Variants in ARAP2 observed in about 807,000 individuals in gnomAD.
ARAP2 encodes arf-GAP with Rho-GAP domain, ANK repeat and PH domain-containing protein 2.
In ARAP2, 148 loss-of-function variants were observed where a neutral mutation model predicts 194.5. The observed-to-expected ratio is 0.76, with a 90% CI of 0.67 to 0.87. The LOEUF (loss-of-function observed/expected upper bound fraction) is 0.87, where lower values mean the gene tolerates loss of function less well. ARAP2 is among the 40% of genes least tolerant of loss of function. The pLI is 0.00. For missense variants in ARAP2, 2,128 were observed against 1,989.7 expected (o/e 1.07, Z -1.32); for synonymous variants, 695 against 683.5 (o/e 1.02, Z -0.26).
chr4:36,155,920 T>C (rs1732177065), intron 15 of ARAP2, among the ~76,000 whole-genome samples: 3 of 152,150 alleles, frequency 2.0e-5, no homozygotes, highest in African/African-American at 4.8e-5. Flanking sequence ...GGTCTTCCTA[T>C]GTAGCCCAAG....
At chr4:36,087,087 G>T (rs1287898071) in intron 28 of ARAP2, among the ~76,000 whole-genome samples, 1 of 151,744 alleles carries the variant, frequency 6.6e-6, no homozygotes, top group Non-Finnish European at 1.5e-5. Context: ...TATATTAATG[G>T]CAACCACTAA....
chr4:36,154,252 G>A (rs918400060), intron 15 of ARAP2, among the ~76,000 whole-genome samples: 2 of 151,886 alleles, frequency 1.3e-5, no homozygotes, highest in Non-Finnish European at 2.9e-5. Flanking sequence ...AATAGTATTC[G>A]GCACCCACTA....
chr4:36,033,094 T>A (rs534662840), intron 5 of ARAP2, among the ~76,000 whole-genome samples: 2 of 152,352 alleles, frequency 1.3e-5, no homozygotes, highest in East Asian at 1.9e-4. Flanking sequence ...TCGAGATTGA[T>A]TCTATATCTT....
intron 12 of ARAP2, 41 bp downstream of exon 12, chr4:36,161,424 G>A: frequency 6.5e-7 from 1 of 1,528,884 alleles, no homozygotes; most frequent in Non-Finnish European, 9.1e-7. Context: ...TCTGCAAACT[G>A]AACCCCTATC....
At chr4:36,136,533 C>A (rs1225963960) in intron 19 of ARAP2, among the ~76,000 whole-genome samples, 1 of 151,524 alleles carries the variant, frequency 6.6e-6, no homozygotes, top group Non-Finnish European at 1.5e-5. Flanking sequence ...ACCAGAAGTG[C>A]CTTCACAAAT....
At chr4:36,063,454 T>A (rs867168526), downstream of ARAP2, among the ~76,000 whole-genome samples, 94 of 142,200 alleles carry the variant, frequency 6.6e-4, 3 homozygotes, top group Middle Eastern at 0.019. Context: ...ACTTAAAATT[T>A]AAAAAAAGAA....
intron 20 of ARAP2, among the ~76,000 whole-genome samples, chr4:36,131,880 T>A (rs1039826659): frequency 6.6e-6 from 1 of 151,718 alleles, no homozygotes; most frequent in Non-Finnish European, 1.5e-5. Flanking sequence ...AGTAAACAGA[T>A]GGTTATAGCT....
intron 7 of ARAP2, among the ~76,000 whole-genome samples, chr4:36,191,137 T>C (rs549613868): frequency 5.9e-5 from 9 of 151,732 alleles, no homozygotes; most frequent in African/African-American, 2.0e-4. Flanking sequence ...GTTTATCCCC[T>C]ACGTGATCTG....
intron 31 of ARAP2, among the ~76,000 whole-genome samples, chr4:36,079,898 G>T (rs1419936786): frequency 6.6e-6 from 1 of 152,130 alleles, no homozygotes; most frequent in African/African-American, 2.4e-5. Flanking sequence ...ATGTGGGATT[G>T]TGGTAGGATG....
At chr4:36,241,201 A>T (rs577538710) in intron 1 of ARAP2, among the ~76,000 whole-genome samples, 1 of 152,320 alleles carries the variant, frequency 6.6e-6, no homozygotes, top group South Asian at 2.1e-4. Context: ...TCTGAATGTA[A>T]GTCATATTTT....
chr4:36,164,653 T>C (rs148640355), intron 11 of ARAP2, among the ~76,000 whole-genome samples: 11 of 152,190 alleles, frequency 7.2e-5, no homozygotes, highest in African/African-American at 2.7e-4. Context: ...AAATCTAGAA[T>C]TTTCAACACT....
At chr4:36,043,847 GGA>G (rs1721337265) in intron 5 of ARAP2, among the ~76,000 whole-genome samples, 1 of 16,614 alleles carries the variant, frequency 6.0e-5, no homozygotes, top group Non-Finnish European at 1.4e-4. Flanking sequence ...AGGGGAGGGG[GGA>G]GGGGAGGGGG....
chr4:36,221,321 T>TAC (rs1386405712), intron 2 of ARAP2, among the ~76,000 whole-genome samples: 1 of 152,038 alleles, frequency 6.6e-6, no homozygotes, highest in Non-Finnish European at 1.5e-5. Flanking sequence ...TGCATGTGTA[T>TAC]ACACACACAC....
chr4:36,170,883 G>T (rs985622603), intron 9 of ARAP2, among the ~76,000 whole-genome samples: 15 of 151,998 alleles, frequency 9.9e-5, no homozygotes, highest in Non-Finnish European at 2.2e-4. Flanking sequence ...CTGGGTATCT[G>T]CCTTGAGGAA....
At chr4:36,058,476 T>C (rs1723887098) in intron 1 of ARAP2, among the ~76,000 whole-genome samples, 1 of 152,226 alleles carries the variant, frequency 6.6e-6, no homozygotes, top group Non-Finnish European at 1.5e-5. Context: ...TCTTTAAATT[T>C]ATGCAGAAAA....
chr4:36,128,477 T>TATACAC (rs1553912784), intron 21 of ARAP2, 56 bp downstream of exon 21: 15 of 947,526 alleles, frequency 1.6e-5, no homozygotes, highest in African/African-American at 1.3e-4. Flanking sequence ...GTCTATATTA[T>TATACAC]ACACACACAC....
chr4:36,237,234 A>G (rs1304183319), intron 1 of ARAP2, among the ~76,000 whole-genome samples: 1 of 152,248 alleles, frequency 6.6e-6, no homozygotes, highest in East Asian at 1.9e-4. Flanking sequence ...ATCAAATAAC[A>G]AATTATTATT....
rs777485868 is a variant in ARAP2 at position 36,228,930 on chromosome 4, G to C, written c.557C>G (p.Thr186Ser). Residue 186 changes from threonine to serine, a missense_variant, in exon 2 of 33, where the codon ACT becomes AGT. Transcript: ENST00000303965. Reference sequence around the variant, plus strand: ...TTGTTCTTCAACTGTGTGATCCACAGTCTTCTTTGTAATCAATGATTCTAT... The same window carrying C: ...TTGTTCTTCAACTGTGTGATCCACACTCTTCTTTGTAATCAATGATTCTAT... ...IKIESLITKK[T>S]VDHTVEEQQT... 1 of 1,613,892 alleles carries C rather than the reference G, an allele frequency of 6.2e-7. No homozygotes were observed. The highest frequency in any genetic ancestry group is 8.5e-7 in the Non-Finnish European group (1 of 1,179,974).
At chr4:36,079,358 T>C (rs1327227504) in intron 31 of ARAP2, among the ~76,000 whole-genome samples, 1 of 152,092 alleles carries the variant, frequency 6.6e-6, no homozygotes, top group Non-Finnish European at 1.5e-5. Flanking sequence ...ATACATTAAA[T>C]GAACAGAGAA....
Sources: allele counts gnomAD v4.1 joint callset (sites outside exome capture counted in the v4.1 genomes callset), GRCh38; gene constraint gnomAD v4.1.1; transcripts MANE v1.5; gene names NCBI Gene and HGNC (gene_info 2026-07-23, HGNC 2026-07-21).